PABPC4L: variants seen among roughly 807,000 people sequenced by gnomAD.
PABPC4L encodes poly(A) binding protein cytoplasmic 4 like.
For synonymous variants in PABPC4L, 169 were observed against 164.1 expected (o/e 1.03, Z -0.23); for missense variants, 452 against 451.4 (o/e 1.00, Z -0.01).
chr4:134,172,188 A>G, the PABPC4L span, among the ~76,000 whole-genome samples: 2 of 151,816 alleles, frequency 1.3e-5, no homozygotes, highest in African/African-American at 4.8e-5. Context: ...ACATGGAACC[A>G]AAAAAAACTC....
At chr4:134,042,513 A>G in the PABPC4L span, among the ~76,000 whole-genome samples, 2 of 152,214 alleles carry the variant, frequency 1.3e-5, no homozygotes, top group African/African-American at 4.8e-5. Context: ...AATTAATTGA[A>G]AAAGAAAATT....
the PABPC4L span, among the ~76,000 whole-genome samples, chr4:133,953,808 T>C: frequency 6.6e-6 from 1 of 152,140 alleles, no homozygotes; most frequent in Non-Finnish European, 1.5e-5. Flanking sequence ...TTCTAATCAT[T>C]CCCCTCTCTT....
the PABPC4L span, among the ~76,000 whole-genome samples, chr4:133,948,935 T>C: frequency 6.6e-6 from 1 of 152,206 alleles, no homozygotes; most frequent in African/African-American, 2.4e-5. Flanking sequence ...CTAGGAGTTA[T>C]AGTAACCCTG....
the PABPC4L span, among the ~76,000 whole-genome samples, chr4:134,178,323 A>G: frequency 4.0e-5 from 6 of 150,182 alleles, 1 homozygote; most frequent in Admixed American, 4.0e-4. Context: ...AACACACCAT[A>G]TACCATAATT....
In PABPC4L at chr4:134,199,978, C is replaced by CT; in HGVS notation, c.1041dup (p.Ala348SerfsTer4). 1 of 1,551,624 alleles carries CT rather than the reference C, an allele frequency of 6.4e-7. No homozygotes were observed. Among genetic ancestry groups the CT allele is most frequent in the Non-Finnish European group, 8.7e-7 (1 of 1,146,950 alleles). ...ATGCGGCCATTCATCTCAGTCATTGCTTTAGTAGCATCCTCAGGAGAGGAG... is the reference window on the plus strand; with the variant it reads ...ATGCGGCCATTCATCTCAGTCATTGCTTTTAGTAGCATCCTCAGGAGAGGAG... On this transcript the variant is annotated frameshift_variant, in exon 2 of 2. Transcript: ENST00000421491. LOFTEE classifies it high-confidence loss of function.
chr4:134,106,036 T>C, the PABPC4L span, among the ~76,000 whole-genome samples: 5 of 151,708 alleles, frequency 3.3e-5, no homozygotes, highest in African/African-American at 9.7e-5. Context: ...CTTATCCTGT[T>C]GCTTCTTTAG....
At chr4:134,000,598 T>G in the PABPC4L span, among the ~76,000 whole-genome samples, 1 of 152,254 alleles carries the variant, frequency 6.6e-6, no homozygotes, top group African/African-American at 2.4e-5. Context: ...ACTCATTAAC[T>G]TTTTTTCTTG....
chr4:134,080,678 A>G, the PABPC4L span, among the ~76,000 whole-genome samples: 3 of 152,316 alleles, frequency 2.0e-5, no homozygotes, highest in Admixed American at 2.0e-4. Flanking sequence ...CTTTAAAATG[A>G]TATTTACATA....
At chr4:134,031,236 C>T in the PABPC4L span, among the ~76,000 whole-genome samples, 159 of 152,082 alleles carry the variant, frequency 1.0e-3, no homozygotes, top group African/African-American at 3.5e-3. Context: ...GCCATAAACT[C>T]CTTTCAAAAA....
At chr4:134,122,705 T>A in the PABPC4L span, among the ~76,000 whole-genome samples, 2 of 151,860 alleles carry the variant, frequency 1.3e-5, no homozygotes, top group South Asian at 2.1e-4. Flanking sequence ...TTATCTAAAG[T>A]CTCTCTAATT....
At chr4:133,988,298 G>T in the PABPC4L span, among the ~76,000 whole-genome samples, 1 of 152,016 alleles carries the variant, frequency 6.6e-6, no homozygotes, top group Non-Finnish European at 1.5e-5. Context: ...CAAGTCCAAG[G>T]TCTCATCTGA....
the PABPC4L span, among the ~76,000 whole-genome samples, chr4:134,098,606 G>T: frequency 6.6e-6 from 1 of 151,654 alleles, no homozygotes; most frequent in Non-Finnish European, 1.5e-5. Context: ...TCTAATAAGA[G>T]ATGACCAGGT....
the PABPC4L span, among the ~76,000 whole-genome samples, chr4:134,017,182 T>TA: frequency 6.6e-6 from 1 of 152,162 alleles, no homozygotes; most frequent in Non-Finnish European, 1.5e-5. Context: ...TCAGGAAAGA[T>TA]AGAACAGACT....
chr4:134,072,170 G>A, the PABPC4L span, among the ~76,000 whole-genome samples: 1 of 152,050 alleles, frequency 6.6e-6, no homozygotes. Context: ...AATGCCTTCA[G>A]CTTCCTTTTT....
At chr4:134,083,188 T>C in the PABPC4L span, among the ~76,000 whole-genome samples, 3 of 152,198 alleles carry the variant, frequency 2.0e-5, no homozygotes, top group Non-Finnish European at 4.4e-5. Context: ...GTAATATACA[T>C]TCTGGATGGT....
At position 134,200,636 on chromosome 4, in the gene PABPC4L, C is replaced by T; in HGVS notation, c.384G>A (p.Lys128=). The T allele has an allele frequency of 6.4e-7, 1 of 1,551,634 alleles. No homozygotes were observed. Among genetic ancestry groups the T allele is most frequent in the Non-Finnish European group, 8.7e-7 (1 of 1,146,970 alleles). The part of the protein sequence containing the change: ...FSAFGKILSS[K]VMSDDQGSKG... Reference sequence around the variant, plus strand: ...TGGAGCCTTGATCATCACTCATCACCTTGGAGGAAAGGATCTTTCCAAAAG... The same window carrying T: ...TGGAGCCTTGATCATCACTCATCACTTTGGAGGAAAGGATCTTTCCAAAAG... The change falls in exon 2 of 2, where the codon AAG becomes AAA. Residue 128 remains lysine (K), a synonymous_variant. Transcript: ENST00000421491.
the PABPC4L span, among the ~76,000 whole-genome samples, chr4:134,041,418 T>A: frequency 3.3e-5 from 5 of 152,256 alleles, no homozygotes; most frequent in African/African-American, 1.2e-4. Context: ...TGAGTGCATG[T>A]CCTTTGCAGG....
the PABPC4L span, among the ~76,000 whole-genome samples, chr4:134,079,953 G>C: frequency 6.6e-6 from 1 of 151,650 alleles, no homozygotes; most frequent in Non-Finnish European, 1.5e-5. Flanking sequence ...TACAACTAAT[G>C]AGTATAAAAC....
the PABPC4L span, among the ~76,000 whole-genome samples, chr4:133,988,471 A>G: frequency 6.6e-6 from 1 of 152,308 alleles, no homozygotes; most frequent in Non-Finnish European, 1.5e-5. Flanking sequence ...TTCAAAATCT[A>G]ATAGGGTAGT....
Sources: gnomAD v4.1 joint callset for allele counts (sites outside exome capture counted in the v4.1 genomes callset) on GRCh38, gnomAD v4.1.1 for gene constraint, MANE v1.5 for transcripts, NCBI Gene and HGNC (gene_info 2026-07-23, HGNC 2026-07-21) for gene names.